Variants in ANK2 observed in about 807,000 individuals in gnomAD.
ANK2 encodes the protein ankyrin 2.
ANK2 carries 83 observed loss-of-function variants against 360.5 expected under a neutral mutation model. The observed-to-expected ratio is 0.23, with a 90% CI of 0.19 to 0.28. The LOEUF (loss-of-function observed/expected upper bound fraction) is 0.28, where lower values mean the gene tolerates loss of function less well. ANK2 is among the 10% of genes least tolerant of loss of function. The pLI is 1.00. For missense variants in ANK2, 4,201 were observed against 4,795.7 expected (o/e 0.88, Z 3.66); for synonymous variants, 1,740 against 1,759.5 (o/e 0.99, Z 0.28).
intron 2 of ANK2, among the ~76,000 whole-genome samples, chr4:113,036,277 T>C (rs2061577892): frequency 6.6e-6 from 1 of 151,452 alleles, no homozygotes; most frequent in South Asian, 2.1e-4. Context: ...TAGAAAATTA[T>C]CTAGGAGTTT....
intron 1 of ANK2, among the ~76,000 whole-genome samples, chr4:113,110,128 C>T (rs1415452310): frequency 2.0e-5 from 3 of 152,088 alleles, no homozygotes; most frequent in African/African-American, 7.2e-5. Flanking sequence ...ACTCACAGTT[C>T]CAAATAGCTG....
At chr4:112,967,521 A>T (rs1235385196) in intron 2 of ANK2, among the ~76,000 whole-genome samples, 1 of 152,204 alleles carries the variant, frequency 6.6e-6, no homozygotes, top group Non-Finnish European at 1.5e-5. Context: ...GCCCATTGTT[A>T]TCTGGCTTTT....
At chr4:112,975,184 A>C (rs1246713124) in intron 2 of ANK2, among the ~76,000 whole-genome samples, 1 of 152,180 alleles carries the variant, frequency 6.6e-6, no homozygotes, top group Non-Finnish European at 1.5e-5. Flanking sequence ...AAAGGAATAT[A>C]CTGCTTAGGA....
the ANK2 span, among the ~76,000 whole-genome samples, chr4:112,772,962 G>A: frequency 1.3e-5 from 2 of 152,196 alleles, no homozygotes; most frequent in African/African-American, 4.8e-5. Flanking sequence ...TATTGCATAT[G>A]TACCAACTGA....
chr4:113,331,872 T>C, intron 27 of ANK2, 100 bp from the exon 28 acceptor site: 1 of 1,118,298 alleles, frequency 8.9e-7, no homozygotes, highest in Admixed American at 1.7e-5. Context: ...GAAACCAAAG[T>C]TCACCCTGTG....
chr4:113,255,782 A>G lies in ANK2; in HGVS notation c.1038A>G (p.Glu346=). The G allele has an allele frequency of 6.2e-7, 1 of 1,614,224 alleles. No individual in the cohort carries two copies. The highest frequency in any genetic ancestry group is 1.1e-5 in the South Asian group (1 of 91,080). Residue 346 remains glutamate, a synonymous_variant, in exon 11 of 46, where the codon GAA becomes GAG. Transcript: ENST00000357077. ...TGGCTGCCCAGGGAGACCACGTGGA[A>G]TGTGTGAAGCACCTGTTACAGCACA... is the stretch of plus-strand genomic sequence containing the variant. ...LHMAAQGDHV[E]CVKHLLQHKA...
At chr4:113,153,471 AAG>A (rs780843889) in intron 1 of ANK2, among the ~76,000 whole-genome samples, 8 of 152,208 alleles carry the variant, frequency 5.3e-5, no homozygotes, top group Non-Finnish European at 1.2e-4. Context: ...ACAAAAGAAA[AAG>A]AGTATTTTTC....
the ANK2 span, among the ~76,000 whole-genome samples, chr4:112,732,642 C>T: frequency 6.6e-6 from 1 of 152,174 alleles, no homozygotes; most frequent in Non-Finnish European, 1.5e-5. Context: ...TCTCTCCTTA[C>T]AGTGTTTTCT....
chr4:113,258,123 G>C lies in ANK2; in HGVS notation c.1262G>C (p.Gly421Ala), dbSNP rs570730154. The part of the protein sequence containing the change: ...IKVMELLVKY[G>A]ASIQAITESG... Reference sequence around the variant, plus strand: ...GTCATGGAACTGCTGGTGAAATATGGGGCTTCAATCCAAGCTATAACAGAG... The same window carrying C: ...GTCATGGAACTGCTGGTGAAATATGCGGCTTCAATCCAAGCTATAACAGAG... The change falls in exon 12 of 46, where the codon GGG becomes GCG. Residue 421 changes from glycine to alanine, a missense_variant. Gly to Ala is a moderately conservative substitution (Grantham distance 60, BLOSUM62 0). Transcript: ENST00000357077. 1 of 1,614,030 alleles carries C rather than the reference G, an allele frequency of 6.2e-7. No individual in the cohort carries two copies. The highest frequency in any genetic ancestry group is 2.2e-5 in the East Asian group (1 of 44,882).
chr4:113,084,491 G>A (rs566584392), intron 1 of ANK2, among the ~76,000 whole-genome samples: 12 of 152,250 alleles, frequency 7.9e-5, no homozygotes, highest in African/African-American at 2.2e-4. Context: ...TTAGGACTTT[G>A]CTTTAGAACT....
At position 112,896,998 on chromosome 4, in the gene ANK2, T is replaced by C. The variant is rs552288225; in HGVS notation, c.-39-7457T>C. The stretch of plus-strand genomic sequence containing the variant: ...GATAACTCCTCAATCATGAATTCTT[T>C]TCTTCCATTTTCCTTGTCCGGCGCA... On this transcript the variant is annotated intron_variant, in intron 1 of 30. Transcript: ENST00000503271. Among the ~76,000 whole-genome samples, 7 of 152,280 alleles carry C rather than the reference T, an allele frequency of 4.6e-5. No individual in the cohort carries two copies. The South Asian group carries it at 1.5e-3, about 32-fold the overall frequency.
At chr4:113,255,044 C>A (rs2048547076) in intron 10 of ANK2, among the ~76,000 whole-genome samples, 2 of 152,162 alleles carry the variant, frequency 1.3e-5, no homozygotes, top group Admixed American at 1.3e-4. Context: ...TGTGTTCCTG[C>A]TGTTGACCTT....
chr4:113,269,343 A>G (rs2057589430), intron 14 of ANK2, among the ~76,000 whole-genome samples: 1 of 152,194 alleles, frequency 6.6e-6, no homozygotes, highest in Non-Finnish European at 1.5e-5. Flanking sequence ...TCCTGTAGCT[A>G]GCTCAATGTC....
At chr4:112,969,113 T>A (rs78779799) in intron 2 of ANK2, among the ~76,000 whole-genome samples, 3,106 of 152,296 alleles carry the variant, frequency 0.02, 89 homozygotes, top group African/African-American at 0.06. Context: ...ACACTGAGGT[T>A]CTAGGAGGTA....
intron 1 of ANK2, among the ~76,000 whole-genome samples, chr4:113,139,740 G>A (rs2096571149): frequency 1.3e-5 from 2 of 152,292 alleles, no homozygotes; most frequent in East Asian, 1.9e-4. Flanking sequence ...TGGGCATTGC[G>A]TGGAGTAGCC....
At chr4:113,049,517 T>G (rs1012265361), upstream of ANK2, 4 of 894,798 alleles carry the variant, frequency 4.5e-6, no homozygotes, top group East Asian at 1.4e-4. Context: ...TTCCTGATGG[T>G]AATTGGTTGA....
At chr4:113,255,537 A>G (rs556169871) in intron 10 of ANK2, among the ~76,000 whole-genome samples, 198 bp from the exon 11 acceptor site, 41 of 152,354 alleles carry the variant, frequency 2.7e-4, no homozygotes, top group African/African-American at 9.1e-4. Context: ...CTATGGTAGC[A>G]TAATTATGAA....
chr4:112,792,913 C>G, the ANK2 span, among the ~76,000 whole-genome samples: 1 of 152,122 alleles, frequency 6.6e-6, no homozygotes, highest in Non-Finnish European at 1.5e-5. Context: ...CTGAAACATG[C>G]TTATTATAGC....
chr4:112,932,663 GAGAA>G (rs1221229912), intron 2 of ANK2, among the ~76,000 whole-genome samples: 11 of 151,496 alleles, frequency 7.3e-5, no homozygotes, highest in East Asian at 1.9e-4. Context: ...TAAGGCCAAT[GAGAA>G]AGAGAGTCTT....
Sources: allele counts gnomAD v4.1 joint callset (sites outside exome capture counted in the v4.1 genomes callset), GRCh38; gene constraint gnomAD v4.1.1; transcripts MANE v1.5; gene names NCBI Gene and HGNC (gene_info 2026-07-23, HGNC 2026-07-21).